ANTXR2: variants seen among roughly 807,000 people sequenced by gnomAD.
The protein encoded by ANTXR2 is anthrax toxin receptor 2.
ANTXR2 carries 44 observed loss-of-function variants against 73.7 expected under a neutral mutation model. That is an observed-to-expected ratio of 0.60 (90% CI 0.47 to 0.77). The LOEUF is 0.77. Ranked by LOEUF, ANTXR2 falls within the 30% of genes least tolerant of loss-of-function variation. ANTXR2 has a pLI of 0.00. For missense variants in ANTXR2, 604 were observed against 592.5 expected, an observed-to-expected ratio of 1.02 and a Z score of -0.20; for synonymous variants, 217 against 205.9, an observed-to-expected ratio of 1.05 and a Z score of -0.46.
chr4:79,945,816 A>C (rs905446912), intron 16 of ANTXR2, among the ~76,000 whole-genome samples: 3 of 152,148 alleles, frequency 2.0e-5, no homozygotes, highest in Non-Finnish European at 4.4e-5. Context: ...CCCTACTTTA[A>C]TATATTTGTT....
intron 7 of ANTXR2, among the ~76,000 whole-genome samples, chr4:80,036,302 G>A (rs1000816159): frequency 1.3e-5 from 2 of 152,072 alleles, no homozygotes; most frequent in Admixed American, 1.3e-4. Context: ...TTGTCTCAAA[G>A]TCTGATAACC....
Position 80,072,841 on chromosome 4 carries a change from G to C in ANTXR2, c.-281C>G. 1 of 647,028 alleles carries C rather than the reference G, an allele frequency of 1.5e-6. No individual in the cohort carries two copies. The highest frequency in any genetic ancestry group is 4.6e-5 in the Admixed American group (1 of 21,596). 40.1% of individuals were successfully genotyped at this position (647,028 alleles called of 1,614,324 possible). On this transcript the variant is annotated 5_prime_UTR_variant, in exon 1 of 17. Transcript: ENST00000403729. The stretch of plus-strand genomic sequence containing the variant: ...CAGTCCTCCCCCTCCCGATTCCGGA[G>C]AGTTCCTGCAGACAATGCGGGCCCA...
Position 80,033,578 on chromosome 4 carries a change from T to A in ANTXR2, c.698-8A>T, listed in dbSNP as rs758046493. 5.7e-6 allele frequency: 9 copies of A among 1,565,862 alleles called. No homozygotes were observed. The African/African-American group carries it at 1.3e-4, about 22-fold the overall frequency. On this transcript the variant is annotated splice_polypyrimidine_tract_variant and splice_region_variant and intron_variant, in intron 8 of 16. Coordinates refer to ENST00000403729, the MANE Select transcript of ANTXR2 (RefSeq NM_058172.6). ...AGACAATCTGAAATTCCTCTAGAAG[T>A]AAAAGGAAAAATAAACATTTAATCA...
intron 7 of ANTXR2, among the ~76,000 whole-genome samples, chr4:80,046,344 A>G (rs1349517860): frequency 6.6e-6 from 1 of 151,778 alleles, no homozygotes; most frequent in Non-Finnish European, 1.5e-5. Context: ...AAACAAGTTT[A>G]TCTGCCACTA....
At chr4:80,036,570 G>A (rs1046192237) in intron 7 of ANTXR2, among the ~76,000 whole-genome samples, 3 of 152,090 alleles carry the variant, frequency 2.0e-5, no homozygotes, top group Non-Finnish European at 4.4e-5. Flanking sequence ...GGAGGCCGAG[G>A]CAGAGGGATC....
intron 16 of ANTXR2, among the ~76,000 whole-genome samples, chr4:79,922,198 C>G (rs1727619674): frequency 6.6e-6 from 1 of 152,042 alleles, no homozygotes; most frequent in Non-Finnish European, 1.5e-5. Flanking sequence ...ATCCCTACTT[C>G]TATGTGCAGA....
intron 11 of ANTXR2, among the ~76,000 whole-genome samples, chr4:80,013,569 C>T (rs897772146): frequency 1.3e-5 from 2 of 152,232 alleles, no homozygotes; most frequent in Non-Finnish European, 2.9e-5. Flanking sequence ...AAGTAAAAAG[C>T]ATTATCCTCA....
chr4:79,976,876 CACT>C (rs1335796123), intron 16 of ANTXR2, among the ~76,000 whole-genome samples: 1 of 152,206 alleles, frequency 6.6e-6, no homozygotes, highest in African/African-American at 2.4e-5. Context: ...TGCCCTGCAT[CACT>C]ACTATTATGA....
Position 80,055,165 on chromosome 4 carries a change from A to C in ANTXR2, c.540T>G (p.Asp180Glu). 1 of 1,563,406 alleles carries C rather than the reference A, an allele frequency of 6.4e-7. No homozygotes were observed. The highest frequency in any genetic ancestry group is 8.7e-7 in the Non-Finnish European group (1 of 1,152,570). The change falls in exon 6 of 17, where the codon GAT (aspartate) becomes GAG (glutamate). Residue 180 changes from aspartate to glutamate, a missense_variant. By Grantham distance (45) the Asp-to-Glu change is conservative (BLOSUM62 2). Coordinates refer to ENST00000403729, the MANE Select transcript of ANTXR2 (RefSeq NM_058172.6). The stretch of plus-strand genomic sequence containing the variant: ...TGTAACTTACCTGTGCTTGTTCAAA[A>C]TCAAGGACACCAACACAATAAACAC... ...GASVYCVGVL[D>E]FEQAQLERIA...
At chr4:79,927,208 C>G (rs553628081) in intron 16 of ANTXR2, among the ~76,000 whole-genome samples, 1 of 151,336 alleles carries the variant, frequency 6.6e-6, no homozygotes, top group Non-Finnish European at 1.5e-5. Context: ...CACTTAAATG[C>G]AAAATCTAAA....
At chr4:79,975,143 G>C (rs2110008504) in intron 16 of ANTXR2, among the ~76,000 whole-genome samples, 1 of 152,254 alleles carries the variant, frequency 6.6e-6, no homozygotes, top group African/African-American at 2.4e-5. Context: ...TGCTCATGAT[G>C]CCACATCTAT....
rs371732550 is a variant in ANTXR2 at position 80,022,241 on chromosome 4, A to T, written c.867-3265T>A. On this transcript the variant is annotated intron_variant, in intron 10 of 16. Coordinates refer to ENST00000403729, the MANE Select transcript of ANTXR2 (RefSeq NM_058172.6). ...ATTTCTCATGGTTAACTAGAATGGC[A>T]TTTACTATATGCTAAAGCAATATAT... 1.6e-3 allele frequency among the ~76,000 whole-genome samples: 243 copies of T among 152,302 alleles called. 1 individual carries two copies. Among genetic ancestry groups the T allele is most frequent in the African/African-American group, 5.7e-3 (238 of 41,560 alleles).
rs757025792 is a variant in ANTXR2, at chr4:79,903,371, TCA to T, written c.*4056_*4057del. 60 of 145,008 alleles carry T rather than the reference TCA, an allele frequency of 4.1e-4. No individual in the cohort carries two copies. Among genetic ancestry groups the T allele is most frequent in the Non-Finnish European group, 6.6e-4 (43 of 65,186 alleles). The allele number at this position is 145,008 out of a possible 1,614,324, so 9.0% of individuals were successfully genotyped here. A position where few individuals can be genotyped will look rare whatever the true frequency, so the allele number is the denominator to read the frequency against. ...CTGTTTCTCTCTCTCTCTCTCTCTC[TCA>T]CACACACACACACAATTTACCTTAA... On this transcript the variant is annotated 3_prime_UTR_variant, in exon 17 of 17. Coordinates refer to ENST00000403729, the MANE Select transcript of ANTXR2 (RefSeq NM_058172.6).
At chr4:79,921,322 A>G (rs1442692231) in intron 16 of ANTXR2, among the ~76,000 whole-genome samples, 3 of 152,064 alleles carry the variant, frequency 2.0e-5, no homozygotes, top group Non-Finnish European at 4.4e-5. Flanking sequence ...CTAGTGATAC[A>G]TTGATTTATT....
intron 3 of ANTXR2, among the ~76,000 whole-genome samples, chr4:80,056,693 T>C (rs755631280): frequency 6.6e-6 from 1 of 151,854 alleles, no homozygotes; most frequent in Non-Finnish European, 1.5e-5. Flanking sequence ...AGGTAATGAA[T>C]CCTTGGAAGA....
intron 16 of ANTXR2, among the ~76,000 whole-genome samples, chr4:79,921,337 GTTAA>G (rs1727581161): frequency 1.3e-5 from 2 of 151,870 alleles, no homozygotes; most frequent in African/African-American, 4.8e-5. Flanking sequence ...TTTATTCCTA[GTTAA>G]GTTAGGTTTC....
intron 3 of ANTXR2, 62 bp from the exon 4 acceptor site, chr4:80,056,075 C>A: frequency 8.5e-7 from 1 of 1,180,160 alleles, no homozygotes; most frequent in Non-Finnish European, 1.2e-6. Context: ...ATAAACACTT[C>A]TTAAAAAACA....
Position 79,907,152 on chromosome 4 carries a change from A to G in ANTXR2, c.*277T>C, listed in dbSNP as rs2109922842. On this transcript the variant is annotated 3_prime_UTR_variant, in exon 17 of 17. Coordinates refer to ENST00000403729, the MANE Select transcript of ANTXR2 (RefSeq NM_058172.6). Reference sequence around the variant, plus strand: ...ACATTCAAACAAACTTTCTTGTACAAACCATAGTCTGCAGGTCAATGTTCC... The same window carrying G: ...ACATTCAAACAAACTTTCTTGTACAGACCATAGTCTGCAGGTCAATGTTCC... 2.1e-6 allele frequency: 1 copy of G among 487,648 alleles called. No homozygotes were observed. Among genetic ancestry groups the G allele is most frequent in the East Asian group, 3.8e-5 (1 of 26,130 alleles). The allele number at this position is 487,648 out of a possible 1,614,324, so 30.2% of individuals were successfully genotyped here.
intron 7 of ANTXR2, among the ~76,000 whole-genome samples, chr4:80,047,616 C>T (rs538863943): frequency 6.6e-6 from 1 of 151,620 alleles, no homozygotes; most frequent in Non-Finnish European, 1.5e-5. Context: ...ATGACTCAAC[C>T]GAATCAATTA....
Sources: gnomAD v4.1 joint callset for allele counts (sites outside exome capture counted in the v4.1 genomes callset) on GRCh38, gnomAD v4.1.1 for gene constraint, MANE v1.5 for transcripts, NCBI Gene and HGNC (gene_info 2026-07-23, HGNC 2026-07-21) for gene names.